Variants in KCNIP1 observed in about 807,000 individuals in gnomAD.
KCNIP1 encodes the protein A-type potassium channel modulatory protein KCNIP1.
Under a neutral mutation model 33.0 loss-of-function variants are expected in KCNIP1, and 18 were observed. That is an observed-to-expected ratio of 0.55 (90% CI 0.38 to 0.81). The LOEUF (loss-of-function observed/expected upper bound fraction) is 0.81. KCNIP1 is among the 30% of genes least tolerant of loss of function. The pLI, the probability that KCNIP1 is intolerant of heterozygous loss-of-function variation, is 0.00. For missense variants in KCNIP1, 238 were observed against 271.6 expected (o/e 0.88, Z 0.87); for synonymous variants, 93 against 98.3 (o/e 0.95, Z 0.32).
At chr5:170,672,962 A>G (rs1268725714) in intron 1 of KCNIP1, among the ~76,000 whole-genome samples, 1 of 152,262 alleles carries the variant, frequency 6.6e-6, no homozygotes, top group Admixed American at 6.5e-5. Flanking sequence ...TGTTTTCAGA[A>G]TCTATAGAAT....
intron 1 of KCNIP1, among the ~76,000 whole-genome samples, chr5:170,425,633 G>A (rs1755596390): frequency 6.6e-6 from 1 of 152,190 alleles, no homozygotes; most frequent in South Asian, 2.1e-4. Context: ...ATTTTGGCTG[G>A]AGAGAGACTT....
chr5:170,616,174 A>C (rs1021299793), intron 1 of KCNIP1, among the ~76,000 whole-genome samples: 5 of 152,226 alleles, frequency 3.3e-5, no homozygotes, highest in African/African-American at 4.8e-5. Flanking sequence ...CTCCCCAAAA[A>C]TTGAGAATAA....
chr5:170,705,558 C>T (rs753594246), intron 1 of KCNIP1, among the ~76,000 whole-genome samples: 2 of 152,146 alleles, frequency 1.3e-5, no homozygotes. Flanking sequence ...TGTCCACCAC[C>T]CACAGACCCC....
At chr5:170,491,355 C>T (rs1376954084) in intron 1 of KCNIP1, among the ~76,000 whole-genome samples, 1 of 152,190 alleles carries the variant, frequency 6.6e-6, no homozygotes, top group African/African-American at 2.4e-5. Flanking sequence ...CTAGTGCAGA[C>T]TTTCCCAGCC....
intron 1 of KCNIP1, among the ~76,000 whole-genome samples, chr5:170,496,288 T>A (rs1435762963): frequency 1.3e-5 from 2 of 152,122 alleles, no homozygotes; most frequent in Non-Finnish European, 2.9e-5. Context: ...TATCTCTGAG[T>A]CCCCAGTGAA....
chr5:170,561,766 C>T (rs1050931329), intron 1 of KCNIP1, among the ~76,000 whole-genome samples: 2 of 152,176 alleles, frequency 1.3e-5, no homozygotes, highest in African/African-American at 4.8e-5. Flanking sequence ...GTTCCCACTG[C>T]GTGGTGGGCA....
rs114909637 is a variant in KCNIP1, at chr5:170,399,058, A to T, written c.88+45094A>T. The stretch of plus-strand genomic sequence containing the variant: ...GAGGAGGAGCATGCCATCCTTTGTG[A>T]GTGTGTCTACTTGCAAGAAATTAGA... On this transcript the variant is annotated intron_variant, in intron 1 of 7. Transcript: ENST00000377360. 3.7e-3 allele frequency among the ~76,000 whole-genome samples: 560 copies of T among 152,288 alleles called. 3 individuals are homozygous for T. Among genetic ancestry groups the T allele is most frequent in the African/African-American group, 0.013 (538 of 41,558 alleles).
intron 1 of KCNIP1, among the ~76,000 whole-genome samples, chr5:170,454,748 A>G (rs1007937885): frequency 8.5e-5 from 13 of 152,256 alleles, no homozygotes; most frequent in African/African-American, 2.9e-4. Context: ...TGTAATTCTG[A>G]AATCTGTGTG....
chr5:170,720,844 T>C (rs1294145104), intron 3 of KCNIP1, among the ~76,000 whole-genome samples: 1 of 152,272 alleles, frequency 6.6e-6, no homozygotes, highest in East Asian at 1.9e-4. Flanking sequence ...GCTGGAATTT[T>C]GTAAAAGAAC....
intron 1 of KCNIP1, among the ~76,000 whole-genome samples, chr5:170,578,153 C>T (rs901647409): frequency 5.3e-5 from 8 of 152,296 alleles, no homozygotes; most frequent in African/African-American, 1.9e-4. Context: ...ATGAAAGGCT[C>T]TCACCTTCAC....
intron 1 of KCNIP1, among the ~76,000 whole-genome samples, chr5:170,597,178 T>C (rs1758467799): frequency 6.6e-6 from 1 of 152,128 alleles, no homozygotes; most frequent in Non-Finnish European, 1.5e-5. Flanking sequence ...AGAAGGAACA[T>C]TTAGGCCCGC....
Position 170,576,268 on chromosome 5 carries a change from A to G in KCNIP1, c.61+71635A>G, listed in dbSNP as rs748705625. ...TCTCCTTGTTTGGGCCTCACAGTGT[A>G]TGGTAACCTCAGGGCAGTCAGAATG... is the stretch of plus-strand genomic sequence containing the variant. On this transcript the variant is annotated intron_variant, in intron 1 of 7. Transcript: ENST00000328939. Among the ~76,000 whole-genome samples, 39 of 152,216 alleles carry G rather than the reference A, an allele frequency of 2.6e-4. 2 individuals carry two copies. Among genetic ancestry groups the G allele is most frequent in the Admixed American group, 1.3e-4 (2 of 15,284 alleles).
At chr5:170,394,323 A>T (rs1011457119) in intron 1 of KCNIP1, among the ~76,000 whole-genome samples, 1 of 152,164 alleles carries the variant, frequency 6.6e-6, no homozygotes. Flanking sequence ...ACATTTATTC[A>T]TGTGCATCCT....
chr5:170,454,813 G>A (rs1159698477), intron 1 of KCNIP1, among the ~76,000 whole-genome samples: 1 of 152,136 alleles, frequency 6.6e-6, no homozygotes, highest in African/African-American at 2.4e-5. Context: ...TATCTAGTCT[G>A]TGTATTCATT....
intron 1 of KCNIP1, among the ~76,000 whole-genome samples, chr5:170,696,445 T>A (rs1762895265): frequency 6.6e-6 from 1 of 152,200 alleles, no homozygotes; most frequent in Admixed American, 6.5e-5. Flanking sequence ...TTTGTCTTTT[T>A]GTCTTGCAGT....
intron 1 of KCNIP1, among the ~76,000 whole-genome samples, chr5:170,705,385 G>A (rs1581524144): frequency 6.6e-6 from 1 of 152,200 alleles, no homozygotes; most frequent in African/African-American, 2.4e-5. Context: ...ATGTTCCAGT[G>A]GAGGGTAATG....
At chr5:170,685,426 CA>C (rs1293008664) in intron 1 of KCNIP1, among the ~76,000 whole-genome samples, 1 of 148,198 alleles carries the variant, frequency 6.7e-6, no homozygotes, top group African/African-American at 2.5e-5. Flanking sequence ...AAATCCAGCC[CA>C]AAAGGCACAC....
chr5:170,398,177 C>T lies in KCNIP1; in HGVS notation c.88+44213C>T, dbSNP rs116753845. Among the ~76,000 whole-genome samples, 797 of 152,280 alleles carry T rather than the reference C, an allele frequency of 5.2e-3. 4 individuals are homozygous for T. Among genetic ancestry groups the T allele is most frequent in the African/African-American group, 0.018 (743 of 41,552 alleles). On this transcript the variant is annotated intron_variant, in intron 1 of 7. Transcript: ENST00000377360. ...ATCTGGACCCCTCTTTCCATCATGA[C>T]CTGAACCAGTTTTTCAGGTTACTTT...
chr5:170,484,975 T>C (rs1422191090), intron 1 of KCNIP1, among the ~76,000 whole-genome samples: 1 of 145,670 alleles, frequency 6.9e-6, no homozygotes, highest in African/African-American at 2.5e-5. Context: ...AGTTTCACTC[T>C]TGTTGCCCAG....
Sources: gnomAD v4.1 joint callset for allele counts (sites outside exome capture counted in the v4.1 genomes callset) on GRCh38, gnomAD v4.1.1 for gene constraint, MANE v1.5 for transcripts, NCBI Gene and HGNC (gene_info 2026-07-23, HGNC 2026-07-21) for gene names.